GPC5: variants seen among roughly 807,000 people sequenced by gnomAD.
The protein encoded by GPC5 is glypican-5.
Under a neutral mutation model 53.9 loss-of-function variants are expected in GPC5, and 47 were observed. That is an observed-to-expected ratio of 0.87 (90% CI 0.69 to 1.11). The LOEUF (loss-of-function observed/expected upper bound fraction) is 1.11. GPC5 is among the 50% of genes most tolerant of loss of function. The probability of loss-of-function intolerance (pLI) is 0.00; values close to 1 mark genes in which losing one functional copy is unlikely to be tolerated. For synonymous variants in GPC5, 286 were observed against 263.3 expected, an observed-to-expected ratio of 1.09 and a Z score of -0.84; for missense variants, 748 against 713.1, an observed-to-expected ratio of 1.05 and a Z score of -0.56.
intron 6 of GPC5, among the ~76,000 whole-genome samples, chr13:91,911,317 G>T (rs1436921002): frequency 6.6e-6 from 1 of 152,118 alleles, no homozygotes; most frequent in Non-Finnish European, 1.5e-5. Flanking sequence ...GCCGAGGAGG[G>T]TGGATCACCT....
chr13:91,860,398 T>C (rs1481884420), intron 5 of GPC5, among the ~76,000 whole-genome samples: 1 of 151,882 alleles, frequency 6.6e-6, no homozygotes, highest in Non-Finnish European at 1.5e-5. Flanking sequence ...AAGGACAGGA[T>C]TTCCTTCTCT....
chr13:91,806,224 G>A (rs2138790683), intron 5 of GPC5, among the ~76,000 whole-genome samples: 1 of 151,262 alleles, frequency 6.6e-6, no homozygotes, highest in Admixed American at 6.6e-5. Context: ...TTAGTAGAGA[G>A]TGGGTTTCAC....
At position 91,897,370 on chromosome 13, in the gene GPC5, C is replaced by CGT. The variant is rs754409057; in HGVS notation, c.1281-10566_1281-10565insTG. Among the ~76,000 whole-genome samples the CGT allele has an allele frequency of 7.1e-3, 939 of 132,294 alleles. 2 individuals are homozygous for CGT. The highest frequency in any genetic ancestry group is 0.011 in the Non-Finnish European group (698 of 61,972). 86.8% of individuals were successfully genotyped at this position (132,294 alleles called of 152,430 possible). ...GTGTGTGTGTGTGTGTGTGTGTGTG[C>CGT]GCCTGTGCATGTGTATGCATTTCTT... On this transcript the variant is annotated intron_variant, in intron 5 of 7. Coordinates refer to ENST00000377067, the MANE Select transcript of GPC5 (RefSeq NM_004466.6).
chr13:92,122,144 G>T (rs1438322294), intron 6 of GPC5, among the ~76,000 whole-genome samples: 1 of 152,088 alleles, frequency 6.6e-6, no homozygotes, highest in Non-Finnish European at 1.5e-5. Context: ...TAATTACTTT[G>T]CCCAGGAATC....
intron 7 of GPC5, among the ~76,000 whole-genome samples, chr13:92,528,909 A>G (rs1427308095): frequency 6.6e-6 from 1 of 152,088 alleles, no homozygotes; most frequent in Non-Finnish European, 1.5e-5. Context: ...AAAGCTTACA[A>G]CTTATGTCTT....
chr13:92,070,544 T>A (rs920728116), intron 6 of GPC5, among the ~76,000 whole-genome samples: 3 of 152,204 alleles, frequency 2.0e-5, no homozygotes, highest in African/African-American at 7.2e-5. Flanking sequence ...TCTAGATACT[T>A]TCATTACTGT....
intron 5 of GPC5, among the ~76,000 whole-genome samples, chr13:91,810,405 G>A (rs1173064319): frequency 6.6e-6 from 1 of 152,090 alleles, no homozygotes; most frequent in East Asian, 1.9e-4. Context: ...TATAGTGCCA[G>A]GGAATGGTTG....
At chr13:91,809,016 G>A (rs2038268599) in intron 5 of GPC5, among the ~76,000 whole-genome samples, 1 of 152,034 alleles carries the variant, frequency 6.6e-6, no homozygotes, top group Admixed American at 6.6e-5. Context: ...TATAATCAGA[G>A]CAAATTGTCA....
chr13:92,519,548 A>C (rs1028148766), intron 7 of GPC5, among the ~76,000 whole-genome samples: 1 of 152,258 alleles, frequency 6.6e-6, no homozygotes, highest in Non-Finnish European at 1.5e-5. Flanking sequence ...TAATGAAATG[A>C]AGGCAGAAAT....
intron 7 of GPC5, among the ~76,000 whole-genome samples, chr13:92,663,763 T>C (rs1275684103): frequency 7.1e-6 from 1 of 141,526 alleles, no homozygotes; most frequent in Non-Finnish European, 1.5e-5. Flanking sequence ...TAAATATATA[T>C]ATACACTATA....
At position 92,331,726 on chromosome 13, in the gene GPC5, T is replaced by A. The variant is rs368353266; in HGVS notation, c.1561+186737T>A. On this transcript the variant is annotated intron_variant, in intron 7 of 7. Coordinates refer to ENST00000377067, the MANE Select transcript of GPC5 (RefSeq NM_004466.6). Reference sequence around the variant, plus strand: ...TGCAGAGCTGAATATCGGTTTTACTTCATTTCATGTTTTATATCAGCACAG... The same window carrying A: ...TGCAGAGCTGAATATCGGTTTTACTACATTTCATGTTTTATATCAGCACAG... Among the ~76,000 whole-genome samples the A allele has an allele frequency of 3.9e-5, 6 of 152,140 alleles. No individual in the cohort carries two copies. The East Asian group carries it at 1.2e-3, about 29-fold the overall frequency.
intron 7 of GPC5, among the ~76,000 whole-genome samples, chr13:92,659,793 C>T (rs1594392556): frequency 6.6e-6 from 1 of 152,184 alleles, no homozygotes; most frequent in East Asian, 1.9e-4. Context: ...TCTGGTAGGG[C>T]TGATGTTCCC....
At chr13:91,548,889 A>G (rs1566495478) in intron 2 of GPC5, among the ~76,000 whole-genome samples, 1 of 152,230 alleles carries the variant, frequency 6.6e-6, no homozygotes, top group Non-Finnish European at 1.5e-5. Context: ...GAACAACTGG[A>G]CATCCACATG....
intron 7 of GPC5, among the ~76,000 whole-genome samples, chr13:92,323,062 T>C (rs1312397801): frequency 6.6e-6 from 1 of 151,530 alleles, no homozygotes; most frequent in African/African-American, 2.4e-5. Flanking sequence ...ATCTATATTA[T>C]ATAATCTATA....
At chr13:92,376,860 C>CA in intron 7 of GPC5, among the ~76,000 whole-genome samples, 1 of 151,776 alleles carries the variant, frequency 6.6e-6, no homozygotes, top group East Asian at 1.9e-4. Context: ...ACTAAAAATA[C>CA]AAAAAATTAG....
chr13:92,264,564 A>G (rs1013521472), intron 7 of GPC5, among the ~76,000 whole-genome samples: 2 of 152,088 alleles, frequency 1.3e-5, no homozygotes, highest in Admixed American at 6.6e-5. Context: ...GTTTTGTCCA[A>G]TTCTTTGTTC....
chr13:92,864,570 A>G (rs1366844126), intron 7 of GPC5, among the ~76,000 whole-genome samples: 1 of 152,148 alleles, frequency 6.6e-6, no homozygotes, highest in Non-Finnish European at 1.5e-5. Flanking sequence ...TAGAAAAAAA[A>G]AATATTTTTA....
chr13:92,141,748 G>A (rs1215233198), intron 6 of GPC5, among the ~76,000 whole-genome samples: 2 of 152,152 alleles, frequency 1.3e-5, no homozygotes, highest in Non-Finnish European at 2.9e-5. Context: ...CAGGTTGTCA[G>A]CCTAGCTTGA....
At chr13:91,421,736 C>A (rs554409100) in intron 1 of GPC5, among the ~76,000 whole-genome samples, 29 of 152,170 alleles carry the variant, frequency 1.9e-4, no homozygotes, top group Non-Finnish European at 3.5e-4. Context: ...ACCCTCAGTA[C>A]AGTTTTACTA....
Sources: allele counts gnomAD v4.1 joint callset (sites outside exome capture counted in the v4.1 genomes callset), GRCh38; gene constraint gnomAD v4.1.1; transcripts MANE v1.5; gene names NCBI Gene and HGNC (gene_info 2026-07-23, HGNC 2026-07-21).